Variants in ATP7B observed in about 807,000 individuals in gnomAD.
ATP7B encodes copper-transporting ATPase 2.
ATP7B carries 113 observed loss-of-function variants against 118.9 expected under a neutral mutation model. The ratio of observed to expected loss-of-function variants is 0.95; its 90% CI spans 0.82 to 1.11. The LOEUF (loss-of-function observed/expected upper bound fraction) is 1.11. Among genes scored for constraint, ATP7B ranks in the 50% most tolerant of loss-of-function variants. ATP7B has a pLI of 0.00. For synonymous variants in ATP7B, 777 were observed against 727.4 expected (o/e 1.07, Z -1.10); for missense variants, 1,867 against 1,871.4 (o/e 1.00, Z 0.04).
intron 8 of ATP7B, 86 bp downstream of exon 8, chr13:51,958,225 T>C (rs982339179): frequency 3.5e-6 from 5 of 1,425,658 alleles, no homozygotes; most frequent in Non-Finnish European, 4.9e-6. Flanking sequence ...CTGTGTATAA[T>C]TAGTAATTCT....
Position 51,974,441 on chromosome 13 carries a change from T to TG in ATP7B, c.778dup (p.Gln260ProfsTer10), listed in dbSNP as rs786204570. 1.2e-5 allele frequency: 19 copies of TG among 1,613,950 alleles called. No individual in the cohort carries two copies. Among genetic ancestry groups the TG allele is most frequent in the Non-Finnish European group, 1.4e-5 (17 of 1,180,030 alleles). ...ACAATGCATTCCATCTATTCTCAGT[T>TG]GGAGGGTGACCACATGGCTTCCTTG... On this transcript the variant is annotated frameshift_variant, in exon 2 of 21. Transcript: ENST00000242839. LOFTEE classifies it high-confidence loss of function.
chr13:51,937,723 CAG>C (rs1566446075), intron 17 of ATP7B, 44 bp from the exon 18 acceptor site: 1 of 1,600,166 alleles, frequency 6.2e-7, no homozygotes, highest in South Asian at 1.1e-5. Context: ...CAAAAGGTAT[CAG>C]ATAGCAGCAG....
At chr13:51,960,016 G>T in intron 7 of ATP7B, 132 bp downstream of exon 7, 4 of 1,281,792 alleles carry the variant, frequency 3.1e-6, no homozygotes, top group East Asian at 2.4e-5. Context: ...AACTGCCTGG[G>T]TGGGGCAGGA....
intron 1 of ATP7B, among the ~76,000 whole-genome samples, chr13:52,004,278 C>T (rs1167342235): frequency 6.6e-6 from 1 of 152,114 alleles, no homozygotes; most frequent in Admixed American, 6.5e-5. Flanking sequence ...AAAGAGAGAG[C>T]AGGATTATCC....
At chr13:51,960,065 C>A in intron 7 of ATP7B, 83 bp downstream of exon 7, 2 of 1,525,698 alleles carry the variant, frequency 1.3e-6, no homozygotes, top group African/African-American at 1.4e-5. Context: ...AGCTAAAGCA[C>A]TATGTTTGCG....
Position 51,974,636 on chromosome 13 carries a change from T to C in ATP7B, c.584A>G (p.Glu195Gly). The change falls in exon 2 of 21, where the codon GAA becomes GGA. Residue 195 changes from glutamate to glycine, a missense_variant. Physicochemically the swap from Glu to Gly is moderately conservative, Grantham distance 98 (BLOSUM62 -2). Coordinates refer to ENST00000242839, the MANE Select transcript of ATP7B (RefSeq NM_000053.4). Reference protein sequence around the residue: ...ITYQPYLIQPEDLRDHVNDMG... With the variant: ...ITYQPYLIQPGDLRDHVNDMG... ...GTCATTTACATGGTCCCTGAGGTCT[T>C]CGGGCTGAATGAGATAAGGCTGATA... 6.2e-7 allele frequency: 1 copy of C among 1,612,490 alleles called. No individual in the cohort carries two copies. The highest frequency in any genetic ancestry group is 8.5e-7 in the Non-Finnish European group (1 of 1,178,938).
At chr13:51,942,282 A>C in intron 15 of ATP7B, 104 bp downstream of exon 15, 5 of 1,564,498 alleles carry the variant, frequency 3.2e-6, no homozygotes, top group Non-Finnish European at 4.4e-6. Context: ...TTAGCCATGA[A>C]CCGTCTGCCG....
At chr13:51,992,862 C>G (rs2140393171) in intron 1 of ATP7B, among the ~76,000 whole-genome samples, 1 of 150,826 alleles carries the variant, frequency 6.6e-6, no homozygotes, top group South Asian at 2.1e-4. Flanking sequence ...CCTGTAGTCC[C>G]AGCTACTCTG....
At position 51,967,089 on chromosome 13, in the gene ATP7B, A is replaced by C. The variant is rs1014327768; in HGVS notation, c.1707+1355T>G. 4.4e-6 allele frequency: 7 copies of C among 1,597,154 alleles called. No individual in the cohort carries two copies. In the African/African-American group the frequency reaches 9.4e-5, roughly 21 times the overall value. ...CAAGAAAATTGAAAGATGGGAAATT[A>C]GTGGTGGAGTGTGTCATGAACAATG... On this transcript the variant is annotated intron_variant, in intron 4 of 20. Transcript: ENST00000242839.
chr13:51,945,693 C>G (rs541515683), intron 13 of ATP7B, among the ~76,000 whole-genome samples: 1 of 152,204 alleles, frequency 6.6e-6, no homozygotes, highest in Non-Finnish European at 1.5e-5. Flanking sequence ...GTCTTTCCCC[C>G]TGGTGGGCTC....
chr13:51,964,108 A>AACAC (rs17334263), intron 5 of ATP7B, among the ~76,000 whole-genome samples: 9,090 of 145,690 alleles, frequency 0.062, 332 homozygotes, highest in South Asian at 0.17. Context: ...TCTCTCTTTA[A>AACAC]ACACACACAC....
At chr13:51,949,823 G>A (rs1259811286) in intron 11 of ATP7B, 27 bp from the exon 12 acceptor site, 1 of 1,613,702 alleles carries the variant, frequency 6.2e-7, no homozygotes, top group African/African-American at 1.3e-5. Flanking sequence ...CCAAGACCAT[G>A]GGAAATTACA....
At position 51,934,630 on chromosome 13, in the gene ATP7B, G is replaced by A. The variant is rs1478935073; in HGVS notation, c.*126C>T. The A allele has an allele frequency of 4.1e-6, 6 of 1,455,606 alleles. No individual in the cohort carries two copies. The Admixed American group carries it at 9.0e-5, about 22-fold the overall frequency. 90.2% of individuals were successfully genotyped at this position (1,455,606 alleles called of 1,614,324 possible). ...CGCGTGCTGCAGGGCAGGATGACTG[G>A]ACATATCCAGGGAGCGGAAGTCCCC... On this transcript the variant is annotated 3_prime_UTR_variant, in exon 21 of 21. Transcript: ENST00000242839.
At chr13:51,986,770 A>G (rs529803878) in intron 1 of ATP7B, among the ~76,000 whole-genome samples, 3 of 152,208 alleles carry the variant, frequency 2.0e-5, no homozygotes, top group Admixed American at 6.5e-5. Context: ...CAACACATGC[A>G]TATCAATAAA....
chr13:51,944,258 T>C lies in ATP7B; in HGVS notation c.3094A>G (p.Ile1032Val), dbSNP rs778631601. ...KTVMFDKTGTITHGVPRVMRV... is the reference protein window; with the variant it reads ...KTVMFDKTGTVTHGVPRVMRV... ...ATGACCCTGGGGACGCCATGGGTAA[T>C]GGTGCCAGTCTTGTCAAACATCACA... Residue 1032 changes from isoleucine (I) to valine (V), a missense_variant, in exon 14 of 21, where the codon ATT (isoleucine) becomes GTT (valine). Coordinates refer to ENST00000242839, the MANE Select transcript of ATP7B (RefSeq NM_000053.4). The C allele has an allele frequency of 1.1e-5, 17 of 1,613,966 alleles. No homozygotes were observed. Among genetic ancestry groups the C allele is most frequent in the Non-Finnish European group, 1.3e-5 (15 of 1,180,012 alleles).
intron 1 of ATP7B, chr13:51,975,453 A>C (rs1952064539): frequency 8.5e-6 from 5 of 585,770 alleles, no homozygotes; most frequent in Admixed American, 5.6e-5. Context: ...GGAAAGCACG[A>C]CACAGCTTTA....
intron 1 of ATP7B, among the ~76,000 whole-genome samples, chr13:51,992,636 T>A (rs1039072690): frequency 6.6e-6 from 1 of 152,180 alleles, no homozygotes; most frequent in African/African-American, 2.4e-5. Context: ...GATAACTAAA[T>A]TCTTTCTAAA....
intron 8 of ATP7B, 92 bp downstream of exon 8, chr13:51,958,219 G>T: frequency 7.3e-7 from 1 of 1,379,292 alleles, no homozygotes; most frequent in Non-Finnish European, 1.0e-6. Flanking sequence ...TCTATGCTGT[G>T]TATAATTAGT....
At chr13:51,967,869 A>AT (rs138720706) in intron 4 of ATP7B, among the ~76,000 whole-genome samples, 131 of 152,332 alleles carry the variant, frequency 8.6e-4, no homozygotes, top group African/African-American at 3.1e-3. Flanking sequence ...GTTTTCAATA[A>AT]TGTGTTGGCA....
Sources: gnomAD v4.1 joint callset for allele counts (sites outside exome capture counted in the v4.1 genomes callset) on GRCh38, gnomAD v4.1.1 for gene constraint, MANE v1.5 for transcripts, NCBI Gene and HGNC (gene_info 2026-07-23, HGNC 2026-07-21) for gene names.